The following SGCZ variants were observed in gnomAD, a reference collection of about 807,000 sequenced individuals.
SGCZ encodes sarcoglycan zeta.
SGCZ carries 40 observed loss-of-function variants against 41.3 expected under a neutral mutation model. The observed-to-expected ratio is 0.97, with a 90% CI of 0.75 to 1.26. The LOEUF is 1.26. Among genes scored for constraint, SGCZ ranks in the 50% most tolerant of loss-of-function variants. SGCZ has a pLI of 0.00. For synonymous variants in SGCZ, 206 were observed against 137.5 expected (o/e 1.50, Z -3.49); for missense variants, 552 against 369.8 (o/e 1.49, Z -4.04).
At chr8:14,700,226 A>G (rs1386728310) in intron 1 of SGCZ, among the ~76,000 whole-genome samples, 1 of 152,012 alleles carries the variant, frequency 6.6e-6, no homozygotes, top group African/African-American at 2.4e-5. Flanking sequence ...CAACAGTGGA[A>G]TGGATTAAGA....
intron 3 of SGCZ, among the ~76,000 whole-genome samples, chr8:14,276,948 C>T (rs1469834020): frequency 6.6e-6 from 1 of 152,174 alleles, no homozygotes; most frequent in Non-Finnish European, 1.5e-5. Context: ...TTTAAACCCC[C>T]ACAAATTATG....
At chr8:14,873,971 C>T (rs899389645) in intron 1 of SGCZ, among the ~76,000 whole-genome samples, 1 of 152,044 alleles carries the variant, frequency 6.6e-6, no homozygotes, top group Admixed American at 6.6e-5. Context: ...TCCTTGAAGT[C>T]TCTGTAGTCA....
chr8:14,545,721 C>T (rs1008706848), intron 2 of SGCZ, among the ~76,000 whole-genome samples: 4 of 151,972 alleles, frequency 2.6e-5, no homozygotes, highest in East Asian at 1.9e-4. Flanking sequence ...AACTAAAGTT[C>T]CCCACCCCCT....
At chr8:14,759,794 A>G (rs1338087307) in intron 1 of SGCZ, among the ~76,000 whole-genome samples, 1 of 152,154 alleles carries the variant, frequency 6.6e-6, no homozygotes, top group African/African-American at 2.4e-5. Flanking sequence ...AACTCGTATT[A>G]GTGAGTGTCT....
At chr8:14,871,908 GTA>G (rs113687101) in intron 1 of SGCZ, among the ~76,000 whole-genome samples, 3 of 149,246 alleles carry the variant, frequency 2.0e-5, no homozygotes, top group Non-Finnish European at 4.4e-5. Context: ...ATGTATGTAT[GTA>G]TATATATGTG....
chr8:15,137,800 G>C (rs1236266726), intron 1 of SGCZ, among the ~76,000 whole-genome samples: 1 of 152,236 alleles, frequency 6.6e-6, no homozygotes, highest in East Asian at 1.9e-4. Flanking sequence ...ATCCCTCATG[G>C]AGAACCTCTG....
chr8:14,902,046 A>T (rs1410110221), intron 1 of SGCZ, among the ~76,000 whole-genome samples: 2 of 152,182 alleles, frequency 1.3e-5, no homozygotes, highest in Non-Finnish European at 2.9e-5. Flanking sequence ...TATACATTTT[A>T]GTGGACACTT....
intron 1 of SGCZ, among the ~76,000 whole-genome samples, chr8:15,223,136 T>C (rs970282958): frequency 5.9e-5 from 9 of 152,192 alleles, no homozygotes; most frequent in African/African-American, 2.2e-4. Context: ...AAGAACCGAA[T>C]AGTCTCTGGA....
intron 1 of SGCZ, among the ~76,000 whole-genome samples, chr8:14,966,301 A>G (rs574271167): frequency 6.6e-6 from 1 of 151,986 alleles, no homozygotes; most frequent in East Asian, 1.9e-4. Flanking sequence ...AGGAGATGAT[A>G]GGCTATCAGG....
At position 15,164,424 on chromosome 8, in the gene SGCZ, T is replaced by C. The variant is rs147304626; in HGVS notation, c.39+73161A>G. On this transcript the variant is annotated intron_variant, in intron 1 of 7. Transcript: ENST00000382080. ...CACTCCATGACAGGACTGGGACGCA[T>C]GGTCCACGGGTTTGGGAGCCACTGG... 4.1e-4 allele frequency among the ~76,000 whole-genome samples: 62 copies of C among 152,164 alleles called. 1 individual carries two copies. Among genetic ancestry groups the C allele is most frequent in the African/African-American group, 1.3e-3 (52 of 41,544 alleles).
intron 2 of SGCZ, among the ~76,000 whole-genome samples, chr8:14,392,054 A>G (rs1384565916): frequency 6.6e-6 from 1 of 152,134 alleles, no homozygotes; most frequent in Admixed American, 6.6e-5. Flanking sequence ...ACAGATCCAA[A>G]CTATAGCAAG....
At chr8:15,204,114 T>G (rs1800984256) in intron 1 of SGCZ, among the ~76,000 whole-genome samples, 1 of 152,198 alleles carries the variant, frequency 6.6e-6, no homozygotes, top group Non-Finnish European at 1.5e-5. Context: ...TAAACAGCAC[T>G]TCTGTTACAC....
intron 1 of SGCZ, among the ~76,000 whole-genome samples, chr8:15,005,328 C>CTTTTTTTTTTT (rs10603664): frequency 3.8e-5 from 3 of 78,728 alleles, no homozygotes; most frequent in East Asian, 3.4e-4. Context: ...TTTTCTTTTT[C>CTTTTTTTTTTT]TTTTTTTTTT....
At chr8:15,122,809 A>G (rs1197018062) in intron 1 of SGCZ, among the ~76,000 whole-genome samples, 3 of 152,196 alleles carry the variant, frequency 2.0e-5, no homozygotes, top group Admixed American at 6.5e-5. Context: ...ACCTTTTGAC[A>G]TATCATGAGA....
chr8:14,113,711 T>C (rs1004718659), intron 5 of SGCZ, among the ~76,000 whole-genome samples: 4 of 152,070 alleles, frequency 2.6e-5, no homozygotes, highest in Non-Finnish European at 5.9e-5. Flanking sequence ...GATTCCTCCA[T>C]ACTGGTGCCA....
chr8:14,863,612 G>C (rs528015148), intron 1 of SGCZ, among the ~76,000 whole-genome samples: 55 of 152,268 alleles, frequency 3.6e-4, no homozygotes, highest in Middle Eastern at 3.4e-3. Flanking sequence ...AAGGATCGAG[G>C]TCAGGGAAAT....
intron 1 of SGCZ, among the ~76,000 whole-genome samples, chr8:14,967,681 C>A (rs1024496418): frequency 6.6e-6 from 1 of 152,076 alleles, no homozygotes; most frequent in Non-Finnish European, 1.5e-5. Context: ...GAGATTTTCC[C>A]CTAAATATCT....
intron 3 of SGCZ, among the ~76,000 whole-genome samples, chr8:14,277,177 C>A (rs1408894170): frequency 6.6e-6 from 1 of 152,286 alleles, no homozygotes; most frequent in East Asian, 1.9e-4. Context: ...CAGAATGACA[C>A]AACTGACTTT....
At chr8:15,122,092 T>A (rs1392922363) in intron 1 of SGCZ, among the ~76,000 whole-genome samples, 4 of 151,980 alleles carry the variant, frequency 2.6e-5, no homozygotes, top group Non-Finnish European at 5.9e-5. Flanking sequence ...TCTTTTAAAT[T>A]TGGAGGTTTG....
Sources: allele counts gnomAD v4.1 joint callset (sites outside exome capture counted in the v4.1 genomes callset), GRCh38; gene constraint gnomAD v4.1.1; transcripts MANE v1.5; gene names NCBI Gene and HGNC (gene_info 2026-07-23, HGNC 2026-07-21).